The following ARL16 variants were observed in gnomAD, a reference collection of about 807,000 sequenced individuals.
ARL16 encodes the protein ADP-ribosylation factor-like protein 16.
In ARL16, 21 loss-of-function variants were observed where a neutral mutation model predicts 14.1. That is an observed-to-expected ratio of 1.48 (90% CI 1.05 to 2.14). The LOEUF is 2.14. ARL16 is among the 30% of genes most tolerant of loss of function. ARL16 has a pLI of 0.00. For missense variants in ARL16, 248 were observed against 222.0 expected, an observed-to-expected ratio of 1.12 and a Z score of -0.74; for synonymous variants, 122 against 91.8, an observed-to-expected ratio of 1.33 and a Z score of -1.88.
chr17:81,681,789 C>T lies in ARL16; in HGVS notation c.441G>A (p.Thr147=), dbSNP rs566536525. Residue 147 remains threonine, a synonymous_variant, in exon 5 of 5, where the codon ACG becomes ACA. Coordinates refer to ENST00000622299, the MANE Select transcript of ARL16 (RefSeq NM_001040025.3). ...IIACAKQNIT[T]AEISAREGTG... Reference sequence around the variant, plus strand: ...TGCCTTCACGGGCGCTGATTTCTGCCGTGGTGATGTTCTGCTTGGCACAAG... The same window carrying T: ...TGCCTTCACGGGCGCTGATTTCTGCTGTGGTGATGTTCTGCTTGGCACAAG... 1.7e-5 allele frequency: 27 copies of T among 1,612,316 alleles called. No homozygotes were observed. Among genetic ancestry groups the T allele is most frequent in the African/African-American group, 9.3e-5 (7 of 74,990 alleles).
intron 2 of ARL16, 45 bp from the exon 3 acceptor site, chr17:81,683,171 C>T: frequency 1.3e-6 from 2 of 1,546,584 alleles, no homozygotes; most frequent in Non-Finnish European, 1.8e-6. Flanking sequence ...CAACCGCTGT[C>T]CCGTTGTGAA....
chr17:81,681,970 T>G, intron 4 of ARL16, 64 bp downstream of exon 4: 1 of 1,565,366 alleles, frequency 6.4e-7, no homozygotes, highest in Non-Finnish European at 8.7e-7. Context: ...GAGCCATGCT[T>G]CCGGCTGTAA....
intron 3 of ARL16, 177 bp from the exon 4 acceptor site, chr17:81,682,326 C>CCAGGGTT (rs2036865155): frequency 4.0e-6 from 2 of 500,114 alleles, no homozygotes; most frequent in Admixed American, 7.7e-5. Flanking sequence ...AACTCCGCCT[C>CCAGGGTT]CAGGGTTCAG....
rs769900400 is a variant in ARL16, at chr17:81,682,885, A to G, written c.234+128T>C. On this transcript the variant is annotated intron_variant, in intron 3 of 4. Coordinates refer to ENST00000622299, the MANE Select transcript of ARL16 (RefSeq NM_001040025.3). Reference sequence around the variant, plus strand: ...CAGGAAGCAACACTAGCTAAGACCTATTTCCATGAGTAGTATAGTCACTAA... The same window carrying G: ...CAGGAAGCAACACTAGCTAAGACCTGTTTCCATGAGTAGTATAGTCACTAA... 3.5e-5 allele frequency: 30 copies of G among 853,726 alleles called. No homozygotes were observed. In the Middle Eastern group the frequency reaches 1.1e-3, roughly 30 times the overall value. 52.9% of individuals were successfully genotyped at this position (853,726 alleles called of 1,614,324 possible).
In ARL16 at chr17:81,681,929, C is replaced by G. The variant is rs757824549; in HGVS notation, c.351-50G>C. On this transcript the variant is annotated intron_variant, in intron 4 of 4. Transcript: ENST00000622299. ...AGAGCAGTGGCAGCCACACACCTGC[C>G]CCGGACCCCCAGCTGCACCACCTCC... The G allele has an allele frequency of 1.2e-5, 19 of 1,578,108 alleles. No homozygotes were observed. In the African/African-American group the frequency reaches 2.3e-4, roughly 19 times the overall value.
chr17:81,682,686 T>C (rs1329566310), intron 3 of ARL16: 1 of 338,102 alleles, frequency 3.0e-6, no homozygotes, highest in East Asian at 6.7e-5. Flanking sequence ...CTTATCAAGA[T>C]GAGACCAACC....
At chr17:81,682,939 A>G in intron 3 of ARL16, 74 bp downstream of exon 3, 1 of 1,323,300 alleles carries the variant, frequency 7.6e-7, no homozygotes, top group Non-Finnish European at 1.1e-6. Context: ...TACACACAGC[A>G]AGGTTGGGGA....
chr17:81,683,349 G>A (rs2036895235), intron 2 of ARL16, 187 bp downstream of exon 2: 11 of 898,044 alleles, frequency 1.2e-5, no homozygotes, highest in South Asian at 1.8e-5. Context: ...AAGTGCCCGT[G>A]GAGGGCGGCA....
At chr17:81,682,232 C>A in intron 3 of ARL16, 83 bp from the exon 4 acceptor site, 4 of 957,112 alleles carry the variant, frequency 4.2e-6, no homozygotes, top group Non-Finnish European at 4.6e-6. Flanking sequence ...ACTGGGAGAG[C>A]AAAACTGCAT....
At chr17:81,682,812 AC>A (rs2036876306) in intron 3 of ARL16, 200 bp downstream of exon 3, 1 of 587,826 alleles carries the variant, frequency 1.7e-6, no homozygotes, top group Admixed American at 3.1e-5. Flanking sequence ...GTGAGCTCCT[AC>A]CGGGGGCCTG....
intron 3 of ARL16, chr17:81,682,714 C>G: frequency 2.4e-6 from 1 of 420,822 alleles, no homozygotes; most frequent in Non-Finnish European, 4.3e-6. Context: ...CGTATAAGTC[C>G]AACATAAACA....
rs972437950 is a variant in ARL16 at position 81,681,498 on chromosome 17, G to C, written c.*210C>G. 5 of 596,336 alleles carry C rather than the reference G, an allele frequency of 8.4e-6. No homozygotes were observed. The highest frequency in any genetic ancestry group is 1.4e-5 in the Non-Finnish European group (5 of 358,862). 36.9% of individuals were successfully genotyped at this position (596,336 alleles called of 1,614,324 possible). A position where few individuals can be genotyped will look rare whatever the true frequency, so the allele number is the denominator to read the frequency against. On this transcript the variant is annotated 3_prime_UTR_variant, in exon 5 of 5. Transcript: ENST00000622299. Reference sequence around the variant, plus strand: ...TTACAGGTGTGAGCCACCATGCCTAGCCCCTGGGGACACTTTTTTCAGAGG... The same window carrying C: ...TTACAGGTGTGAGCCACCATGCCTACCCCCTGGGGACACTTTTTTCAGAGG...
chr17:81,681,479 G>A lies in ARL16; in HGVS notation c.*229C>T. ...GCCTCTCAAAGTGCTGGGATTACAGGTGTGAGCCACCATGCCTAGCCCCTG... is the reference window on the plus strand; with the variant it reads ...GCCTCTCAAAGTGCTGGGATTACAGATGTGAGCCACCATGCCTAGCCCCTG... On this transcript the variant is annotated 3_prime_UTR_variant, in exon 5 of 5. Coordinates refer to ENST00000622299, the MANE Select transcript of ARL16 (RefSeq NM_001040025.3). 8 of 515,812 alleles carry A rather than the reference G, an allele frequency of 1.6e-5. No individual in the cohort carries two copies. In the South Asian group the frequency reaches 1.9e-4, roughly 12 times the overall value. 32.0% of individuals were successfully genotyped at this position (515,812 alleles called of 1,614,324 possible).
intron 4 of ARL16, 64 bp from the exon 5 acceptor site, chr17:81,681,943 T>G: frequency 6.4e-7 from 1 of 1,566,508 alleles, no homozygotes; most frequent in South Asian, 1.2e-5. Context: ...GACCCCCAGC[T>G]GCACCACCTC....
intron 3 of ARL16, 102 bp from the exon 4 acceptor site, chr17:81,682,251 T>A: frequency 1.2e-6 from 1 of 803,516 alleles, no homozygotes; most frequent in Non-Finnish European, 1.9e-6. Context: ...ATTTTTTAAT[T>A]AATTAATTTA....
rs1161156310 is a variant in ARL16 at position 81,683,004 on chromosome 17, A to G, written c.234+9T>C. 2 of 1,611,062 alleles carry G rather than the reference A, an allele frequency of 1.2e-6. No individual in the cohort carries two copies. Among genetic ancestry groups the G allele is most frequent in the East Asian group, 4.5e-5 (2 of 44,872 alleles). The stretch of plus-strand genomic sequence containing the variant: ...CCCTAAAGGAAGCCCATATAGGATT[A>G]CAACCCACCAGGAGAGAACGGCAGT... On this transcript the variant is annotated intron_variant, in intron 3 of 4. Coordinates refer to ENST00000622299, the MANE Select transcript of ARL16 (RefSeq NM_001040025.3).
chr17:81,681,815 C>G lies in ARL16; in HGVS notation c.415G>C (p.Ala139Pro). ...GTGGTGATGTTCTGCTTGGCACAAG[C>G]AATGATGTCTGGAAGCCTGATTAAT... ...KSLIRLPDII[A>P]CAKQNITTAE... Residue 139 changes from alanine to proline, a missense_variant, in exon 5 of 5, where the codon GCT becomes CCT. By Grantham distance (27) the Ala-to-Pro change is conservative. Transcript: ENST00000622299. 2.5e-6 allele frequency: 4 copies of G among 1,613,096 alleles called. No individual in the cohort carries two copies. The highest frequency in any genetic ancestry group is 3.4e-6 in the Non-Finnish European group (4 of 1,179,766).
rs934299919 is a variant in ARL16 at position 81,683,527 on chromosome 17, G to C, written c.120+9C>G. 1 of 1,574,284 alleles carries C rather than the reference G, an allele frequency of 6.4e-7. No individual in the cohort carries two copies. The highest frequency in any genetic ancestry group is 8.6e-7 in the Non-Finnish European group (1 of 1,163,902). ...CCCCGCAACTCCACCCGCGGGGGCGGACACCTACCGTGGGCCGTGTCGGGG... is the reference window on the plus strand; with the variant it reads ...CCCCGCAACTCCACCCGCGGGGGCGCACACCTACCGTGGGCCGTGTCGGGG... On this transcript the variant is annotated intron_variant, in intron 2 of 4. Coordinates refer to ENST00000622299, the MANE Select transcript of ARL16 (RefSeq NM_001040025.3).
chr17:81,683,161 C>A, intron 2 of ARL16, 35 bp from the exon 3 acceptor site: 1 of 1,571,720 alleles, frequency 6.4e-7, no homozygotes, highest in Non-Finnish European at 8.7e-7. Context: ...AAGAACAATA[C>A]AACCGCTGTC....
Sources: gnomAD v4.1 joint callset for allele counts on GRCh38, gnomAD v4.1.1 for gene constraint, MANE v1.5 for transcripts, NCBI Gene and HGNC (gene_info 2026-07-23, HGNC 2026-07-21) for gene names.